SLC8A1: variants seen among roughly 807,000 people sequenced by gnomAD.
SLC8A1 encodes the protein sodium/calcium exchanger 1.
Under a neutral mutation model 68.3 loss-of-function variants are expected in SLC8A1, and 18 were observed. That is an observed-to-expected ratio of 0.26 (90% CI 0.18 to 0.39). The LOEUF is 0.39. Ranked by LOEUF, SLC8A1 falls within the 10% of genes least tolerant of loss-of-function variation. The pLI, the probability that SLC8A1 is intolerant of heterozygous loss-of-function variation, is 1.00. For synonymous variants in SLC8A1, 475 were observed against 415.5 expected, an observed-to-expected ratio of 1.14 and a Z score of -1.74; for missense variants, 985 against 1,156.7, an observed-to-expected ratio of 0.85 and a Z score of 2.15.
intron 2 of SLC8A1, among the ~76,000 whole-genome samples, chr2:40,420,369 AAAAC>A (rs1471406734): frequency 6.9e-6 from 1 of 145,830 alleles, no homozygotes. Flanking sequence ...TTAAAAAAAA[AAAAC>A]AGACCAAGAA....
chr2:40,139,590 T>G, exon 7 of SLC8A1: 1 of 1,614,058 alleles, frequency 6.2e-7, no homozygotes, highest in South Asian at 1.1e-5. Flanking sequence ...AACAGGACCT[T>G]CCAGAACACA....
chr2:40,386,323 G>A (rs1340436363), intron 2 of SLC8A1, among the ~76,000 whole-genome samples: 1 of 150,810 alleles, frequency 6.6e-6, no homozygotes, highest in African/African-American at 2.5e-5. Context: ...AATGGTAAAT[G>A]TGTGTGTGTA....
upstream of SLC8A1, chr2:40,453,110 A>T (rs956847380): frequency 1.3e-5 from 2 of 152,166 alleles, no homozygotes; most frequent in South Asian, 4.1e-4. Flanking sequence ...GAAAGGCTAG[A>T]CCTACTGTGG....
rs184994465 is a variant in SLC8A1 at position 40,207,589 on chromosome 2, T to A, written c.1809-29734A>T. ...AAATGACTTTAAATGCTACACAAAA[T>A]ATATTTTTATATTAAACAAATCCAC... On this transcript the variant is annotated intron_variant, in intron 2 of 7. Coordinates refer to ENST00000406785, the Ensembl canonical transcript of SLC8A1. Among the ~76,000 whole-genome samples the A allele has an allele frequency of 7.3e-4, 111 of 152,210 alleles. 1 individual carries two copies. The highest frequency in any genetic ancestry group is 2.6e-3 in the African/African-American group (109 of 41,560).
At chr2:40,219,578 G>A (rs1056968898) in intron 2 of SLC8A1, among the ~76,000 whole-genome samples, 3 of 152,098 alleles carry the variant, frequency 2.0e-5, no homozygotes, top group African/African-American at 7.2e-5. Flanking sequence ...GATACTATCT[G>A]GTATATAAGA....
intron 2 of SLC8A1, among the ~76,000 whole-genome samples, chr2:40,311,910 A>G (rs2073755350): frequency 6.6e-6 from 1 of 152,306 alleles, no homozygotes; most frequent in South Asian, 2.1e-4. Flanking sequence ...ATAGTTCTAC[A>G]TCAAATATAA....
At chr2:40,328,509 C>G (rs909742310) in intron 2 of SLC8A1, among the ~76,000 whole-genome samples, 6 of 152,136 alleles carry the variant, frequency 3.9e-5, no homozygotes, top group Non-Finnish European at 8.8e-5. Flanking sequence ...CACCTGATGA[C>G]TTAGCTCTTG....
At chr2:40,493,373 C>A (rs1350662110) in intron 1 of SLC8A1, among the ~76,000 whole-genome samples, 1 of 150,758 alleles carries the variant, frequency 6.6e-6, no homozygotes. Context: ...GGAGGGATAG[C>A]TTTAGGAGAT....
At chr2:40,373,878 G>C (rs1163296181) in intron 2 of SLC8A1, among the ~76,000 whole-genome samples, 1 of 152,058 alleles carries the variant, frequency 6.6e-6, no homozygotes, top group Non-Finnish European at 1.5e-5. Context: ...AAAACAATAG[G>C]TTTAGGTATT....
At chr2:40,276,615 T>C (rs934768658) in intron 2 of SLC8A1, among the ~76,000 whole-genome samples, 4 of 152,206 alleles carry the variant, frequency 2.6e-5, no homozygotes, top group African/African-American at 9.6e-5. Context: ...GCAAAGTAGA[T>C]GATAGAAATA....
intron 2 of SLC8A1, chr2:40,178,491 T>C: frequency 6.2e-7 from 1 of 1,610,646 alleles, no homozygotes; most frequent in Non-Finnish European, 8.5e-7. Flanking sequence ...TGATATTGTT[T>C]TGCTGAAACA....
At chr2:40,172,772 C>A (rs1367174161) in intron 4 of SLC8A1, among the ~76,000 whole-genome samples, 1 of 152,030 alleles carries the variant, frequency 6.6e-6, no homozygotes, top group African/African-American at 2.4e-5. Context: ...GAAACCTTGT[C>A]TCTACTAAAA....
At chr2:40,451,704 C>A (rs771355926) in intron 1 of SLC8A1, among the ~76,000 whole-genome samples, 200 bp downstream of exon 1, 10 of 150,946 alleles carry the variant, frequency 6.6e-5, no homozygotes, top group Non-Finnish European at 1.3e-4. Context: ...AGCGCGGACA[C>A]CCAGAAAAAT....
At chr2:40,313,758 G>C (rs1002904628) in intron 2 of SLC8A1, among the ~76,000 whole-genome samples, 1 of 151,818 alleles carries the variant, frequency 6.6e-6, no homozygotes, top group Non-Finnish European at 1.5e-5. Context: ...ATTTCATTGG[G>C]GTTAATTTAC....
At chr2:40,317,515 G>T (rs767336820) in intron 2 of SLC8A1, among the ~76,000 whole-genome samples, 5 of 151,956 alleles carry the variant, frequency 3.3e-5, no homozygotes, top group Admixed American at 6.6e-5. Context: ...TTAATTATAG[G>T]CTCACTTGGT....
At chr2:40,142,167 A>G (rs992891233) in intron 6 of SLC8A1, among the ~76,000 whole-genome samples, 1 of 152,062 alleles carries the variant, frequency 6.6e-6, no homozygotes, top group East Asian at 1.9e-4. Context: ...GTTTCCTTAT[A>G]CATTTCTTCT....
chr2:40,345,773 T>C (rs183450498), intron 2 of SLC8A1, among the ~76,000 whole-genome samples: 26 of 152,050 alleles, frequency 1.7e-4, no homozygotes, highest in African/African-American at 6.3e-4. Context: ...ATGTTCTCAG[T>C]CATAAGTGGG....
intron 2 of SLC8A1, among the ~76,000 whole-genome samples, chr2:40,204,989 A>T (rs952955903): frequency 2.0e-4 from 30 of 151,888 alleles, no homozygotes; most frequent in African/African-American, 6.0e-4. Context: ...CACACTCATA[A>T]TCTATTTCAG....
intron 2 of SLC8A1, among the ~76,000 whole-genome samples, chr2:40,272,110 C>T (rs1310003863): frequency 2.0e-5 from 3 of 152,092 alleles, no homozygotes; most frequent in Admixed American, 6.5e-5. Context: ...CGCAAATGCT[C>T]CTCCCACCTC....
Sources: allele counts gnomAD v4.1 joint callset (sites outside exome capture counted in the v4.1 genomes callset), GRCh38; gene constraint gnomAD v4.1.1; transcripts MANE v1.5; gene names NCBI Gene and HGNC (gene_info 2026-07-23, HGNC 2026-07-21).